DNAL1: variants seen among roughly 807,000 people sequenced by gnomAD.
The protein encoded by DNAL1 is chromosome 14 open reading frame 168.
A neutral mutation model predicts 29.4 loss-of-function variants in DNAL1; 17 were observed. The observed-to-expected ratio is 0.58, with a 90% CI of 0.40 to 0.87. DNAL1 has a LOEUF of 0.87. DNAL1 is among the 40% of genes least tolerant of loss of function. The pLI, the probability that DNAL1 is intolerant of heterozygous loss-of-function variation, is 0.00. For missense variants in DNAL1, 188 were observed against 214.1 expected (o/e 0.88, Z 0.76); for synonymous variants, 78 against 76.3 (o/e 1.02, Z -0.12).
intron 5 of DNAL1, among the ~76,000 whole-genome samples, chr14:73,681,619 AAAAAAAAAAAAAAAATATAT>A (rs1566888714): frequency 2.4e-5 from 1 of 42,118 alleles, no homozygotes; most frequent in Non-Finnish European, 4.9e-5. Flanking sequence ...AAAAAAAAAA[AAAAAAAAAAAAAAAATATAT>A]ATATATATAT....
intron 7 of DNAL1, among the ~76,000 whole-genome samples, chr14:73,694,526 T>C (rs1892254998): frequency 8.3e-6 from 1 of 120,268 alleles, no homozygotes; most frequent in Non-Finnish European, 1.7e-5. Flanking sequence ...AGAGATGTGC[T>C]TTGTTTCCTC....
At chr14:73,663,202 ATTTTT>A (rs58367000) in intron 4 of DNAL1, among the ~76,000 whole-genome samples, 2 of 125,156 alleles carry the variant, frequency 1.6e-5, no homozygotes, top group South Asian at 2.5e-4. Context: ...GGTCCCAGTA[ATTTTT>A]TTTTTTTTTT....
In DNAL1 at chr14:73,656,162, A is replaced by G. The variant is rs547046451; in HGVS notation, c.42+1277A>G. Among the ~76,000 whole-genome samples the G allele has an allele frequency of 8.5e-5, 13 of 152,318 alleles. 3 individuals are homozygous for G. In the Middle Eastern group the frequency reaches 0.041, roughly 478 times the overall value. ...TTTGGTGTCTGAGGAAAATAGACAAAAGTCGATAAAATAATGAAATACTTG... is the reference window on the plus strand; with the variant it reads ...TTTGGTGTCTGAGGAAAATAGACAAGAGTCGATAAAATAATGAAATACTTG... On this transcript the variant is annotated intron_variant, in intron 2 of 7. Coordinates refer to ENST00000553645, the MANE Select transcript of DNAL1 (RefSeq NM_031427.4).
intron 3 of DNAL1, among the ~76,000 whole-genome samples, chr14:73,659,160 A>G (rs575752379): frequency 6.6e-5 from 9 of 136,574 alleles, no homozygotes; most frequent in African/African-American, 2.5e-4. Context: ...AGTATAGTAC[A>G]ATTTTTTTTT....
chr14:73,683,528 C>T (rs1307284662), intron 5 of DNAL1, among the ~76,000 whole-genome samples: 1 of 152,032 alleles, frequency 6.6e-6, no homozygotes, highest in South Asian at 2.1e-4. Context: ...CTATAGTTAA[C>T]CTGCTGTGCA....
intron 5 of DNAL1, among the ~76,000 whole-genome samples, chr14:73,677,372 G>A (rs1322018204): frequency 6.6e-6 from 1 of 150,874 alleles, no homozygotes; most frequent in Non-Finnish European, 1.5e-5. Context: ...GTCTCGCTAT[G>A]TTGTCCAGGC....
At chr14:73,660,392 T>C (rs76630490) in intron 3 of DNAL1, among the ~76,000 whole-genome samples, 14,677 of 152,272 alleles carry the variant, frequency 0.096, 889 homozygotes, top group Middle Eastern at 0.17. Flanking sequence ...TACAAGTGTG[T>C]CTCATCAGGG....
At position 73,659,254 on chromosome 14, in the gene DNAL1, C is replaced by T. The variant is rs1196072220; in HGVS notation, c.152+298C>T. On this transcript the variant is annotated intron_variant, in intron 3 of 7. Coordinates refer to ENST00000553645, the MANE Select transcript of DNAL1 (RefSeq NM_031427.4). ...TCGGCTCACTGCAACCTACGCCTCC[C>T]GGGTTCGAGCAGTTCTCCTGCCTCA... Among the ~76,000 whole-genome samples the T allele has an allele frequency of 2.6e-5, 4 of 151,556 alleles. No individual in the cohort carries two copies. The East Asian group carries it at 5.8e-4, about 22-fold the overall frequency.
intron 5 of DNAL1, among the ~76,000 whole-genome samples, chr14:73,673,591 G>T (rs943310465): frequency 1.3e-5 from 2 of 152,048 alleles, no homozygotes; most frequent in African/African-American, 4.8e-5. Context: ...TTGCTTATTT[G>T]CAGAATAAAG....
At chr14:73,671,014 G>C (rs1212654656) in intron 4 of DNAL1, among the ~76,000 whole-genome samples, 2 of 152,160 alleles carry the variant, frequency 1.3e-5, no homozygotes, top group Non-Finnish European at 2.9e-5. Flanking sequence ...GGGATTACAG[G>C]TGTGAGCCAC....
Position 73,645,054 on chromosome 14 carries a change from T to A in DNAL1, c.3+12T>A. 6.2e-7 allele frequency: 1 copy of A among 1,608,242 alleles called. No individual in the cohort carries two copies. Among genetic ancestry groups the A allele is most frequent in the Non-Finnish European group, 8.5e-7 (1 of 1,177,796 alleles). On this transcript the variant is annotated intron_variant, in intron 1 of 7. Coordinates refer to ENST00000553645, the MANE Select transcript of DNAL1 (RefSeq NM_031427.4). ...CAACCGCCGGAATGGTGAGTACCTTTCGGGCCGCGTAGCCAAAGCTGAGAG... is the reference window on the plus strand; with the variant it reads ...CAACCGCCGGAATGGTGAGTACCTTACGGGCCGCGTAGCCAAAGCTGAGAG...
intron 3 of DNAL1, among the ~76,000 whole-genome samples, chr14:73,660,853 C>T (rs79708159): frequency 0.013 from 1,940 of 152,264 alleles, 41 homozygotes; most frequent in African/African-American, 0.044. Flanking sequence ...TATATCACCT[C>T]GAGTCAACCT....
intron 5 of DNAL1, among the ~76,000 whole-genome samples, chr14:73,672,672 C>G (rs1180717411): frequency 6.6e-6 from 1 of 150,908 alleles, no homozygotes; most frequent in African/African-American, 2.4e-5. Flanking sequence ...AGGAAGTTTC[C>G]TAACCCAAAA....
chr14:73,695,204 A>C (rs1892274248), intron 7 of DNAL1, among the ~76,000 whole-genome samples: 1 of 151,702 alleles, frequency 6.6e-6, no homozygotes, highest in Non-Finnish European at 1.5e-5. Flanking sequence ...CTACAGGCTC[A>C]CACCACCATG....
At chr14:73,682,869 A>ATTTTTT (rs57815202) in intron 5 of DNAL1, among the ~76,000 whole-genome samples, 8 of 101,838 alleles carry the variant, frequency 7.9e-5, no homozygotes, top group Non-Finnish European at 1.5e-4. Flanking sequence ...TTTTATAGTT[A>ATTTTTT]TTTTTTTTTT....
At chr14:73,695,359 T>C (rs1477714096) in intron 7 of DNAL1, among the ~76,000 whole-genome samples, 2 of 151,132 alleles carry the variant, frequency 1.3e-5, no homozygotes, top group African/African-American at 4.9e-5. Flanking sequence ...TGCCTGGCCA[T>C]AGGCATTTTT....
chr14:73,666,354 A>G (rs1258801000), intron 4 of DNAL1, among the ~76,000 whole-genome samples: 1 of 152,210 alleles, frequency 6.6e-6, no homozygotes, highest in Admixed American at 6.5e-5. Context: ...AAGCTGTATA[A>G]TATGAATAAT....
intron 2 of DNAL1, among the ~76,000 whole-genome samples, chr14:73,655,228 AT>A (rs1233798725): frequency 6.6e-6 from 1 of 152,184 alleles, no homozygotes. Context: ...CATAATAAAA[AT>A]TTCAATTTAA....
chr14:73,684,703 A>C (rs906934722), intron 5 of DNAL1, among the ~76,000 whole-genome samples: 10 of 152,072 alleles, frequency 6.6e-5, no homozygotes, highest in Non-Finnish European at 1.5e-4. Context: ...AGACCAGCCT[A>C]GACAACATAG....
Sources: allele counts gnomAD v4.1 joint callset (sites outside exome capture counted in the v4.1 genomes callset), GRCh38; gene constraint gnomAD v4.1.1; transcripts MANE v1.5; gene names NCBI Gene and HGNC (gene_info 2026-07-23, HGNC 2026-07-21).